Variants in PTH1R observed in about 807,000 individuals in gnomAD.
PTH1R encodes the protein parathyroid hormone/parathyroid hormone-related peptide receptor.
Under a neutral mutation model 70.7 loss-of-function variants are expected in PTH1R, and 32 were observed. The ratio of observed to expected loss-of-function variants is 0.45; its 90% confidence interval spans 0.34 to 0.61. PTH1R has a LOEUF of 0.61. PTH1R is among the 20% of genes least tolerant of loss of function. The probability of loss-of-function intolerance (pLI) is 0.01; values close to 1 mark genes in which losing one functional copy is unlikely to be tolerated. For missense variants in PTH1R, 626 were observed against 792.5 expected (o/e 0.79, Z 2.52); for synonymous variants, 329 against 324.8 (o/e 1.01, Z -0.14).
intron 8 of PTH1R, 59 bp downstream of exon 8, chr3:46,898,531 T>C (rs1296122671): frequency 8.7e-6 from 14 of 1,603,030 alleles, no homozygotes; most frequent in Non-Finnish European, 1.2e-5. Flanking sequence ...GTGGCCGAGG[T>C]CTGATGCGAC....
chr3:46,903,692 A>T lies in PTH1R; in HGVS notation c.*36A>T, dbSNP rs1428432797. 3 of 1,602,084 alleles carry T rather than the reference A, an allele frequency of 1.9e-6. No homozygotes were observed. The Admixed American group carries it at 5.0e-5, about 27-fold the overall frequency. On this transcript the variant is annotated 3_prime_UTR_variant, in exon 16 of 16. Transcript: ENST00000449590. This position sits in a 1 kb window ranked among gnomAD's most constrained non-coding sequence, Gnocchi z 4.4. The stretch of plus-strand genomic sequence containing the variant: ...GGGGCTGGACCTGCTGACATAGTGG[A>T]TGGACAGATGGACCAAAAGATGGGT...
chr3:46,899,868 G>A (rs1401515066), intron 10 of PTH1R, among the ~76,000 whole-genome samples: 8 of 152,192 alleles, frequency 5.3e-5, no homozygotes, highest in East Asian at 3.9e-4. Context: ...GGGATGGGGC[G>A]CGGGGCTGCC....
chr3:46,899,255 TC>T (rs750936657), intron 9 of PTH1R, 47 bp from the exon 10 acceptor site: 9 of 1,612,388 alleles, frequency 5.6e-6, no homozygotes, highest in Non-Finnish European at 7.6e-6. Context: ...AGCCCTGACT[TC>T]CCGGAGGCAG....
chr3:46,893,910 G>A lies in PTH1R; in HGVS notation c.79G>A (p.Asp27Asn). The change falls in exon 4 of 16, where the codon GAT becomes AAT. Residue 27 changes from aspartate (D) to asparagine (N), a missense_variant. Around this residue, in one of 3 missense-constraint regions of PTH1R, gnomAD observed 123 missense variants for 125.7 expected, o/e 0.98. Transcript: ENST00000449590. The surrounding 1 kb of genome is among the most constrained non-coding windows in gnomAD (Gnocchi z 5.2). ...GGTCTGACCTTCGGCTTGGCAGGTG[G>A]ATGCAGATGACGTCATGACTAAAGA... ...PVLSSAYALV[D>N]ADDVMTKEEQ... 1 of 1,613,968 alleles carries A rather than the reference G, an allele frequency of 6.2e-7. No homozygotes were observed. The highest frequency in any genetic ancestry group is 8.5e-7 in the Non-Finnish European group (1 of 1,180,000).
intron 4 of PTH1R, among the ~76,000 whole-genome samples, chr3:46,895,526 A>C (rs1332720479): frequency 1.3e-5 from 2 of 151,044 alleles, no homozygotes; most frequent in Admixed American, 1.3e-4. Context: ...GACAATCTCC[A>C]CCTCCTCTTA....
Position 46,903,231 on chromosome 3 carries a change from G to A in PTH1R, c.1396-39G>A, listed in dbSNP as rs1393940722. 4 of 1,609,970 alleles carry A rather than the reference G, an allele frequency of 2.5e-6. No individual in the cohort carries two copies. Among genetic ancestry groups the A allele is most frequent in the Non-Finnish European group, 2.5e-6 (3 of 1,179,430 alleles). Reference sequence around the variant, plus strand: ...GCCGGGATGGGGCATCGCTGGGGTTGGGAGACACACCTGACTGCCGCACCC... The same window carrying A: ...GCCGGGATGGGGCATCGCTGGGGTTAGGAGACACACCTGACTGCCGCACCC... On this transcript the variant is annotated intron_variant, in intron 15 of 15. Coordinates refer to ENST00000449590, the MANE Select transcript of PTH1R (RefSeq NM_000316.3). This position sits in a 1 kb window ranked among gnomAD's most constrained non-coding sequence, Gnocchi z 4.4.
At chr3:46,894,074 G>A in intron 4 of PTH1R, 65 bp downstream of exon 4, 5 of 1,530,964 alleles carry the variant, frequency 3.3e-6, no homozygotes, top group Non-Finnish European at 4.5e-6. Context: ...TCAAGGGCGG[G>A]ACCCAGGATA....
Position 46,892,632 on chromosome 3 carries a change from A to T in PTH1R, c.76-1275A>T. The T allele has an allele frequency of 1.7e-6, 1 of 605,774 alleles. No homozygotes were observed. The highest frequency in any genetic ancestry group is 2.0e-5 in the African/African-American group (1 of 49,966). 37.5% of individuals were successfully genotyped at this position (605,774 alleles called of 1,614,324 possible). A position where few individuals can be genotyped will look rare whatever the true frequency, so the allele number is the denominator to read the frequency against. On this transcript the variant is annotated intron_variant, in intron 3 of 15. Coordinates refer to ENST00000449590, the MANE Select transcript of PTH1R (RefSeq NM_000316.3). The surrounding 1 kb of genome is among the most constrained non-coding windows in gnomAD (Gnocchi z 5.2). ...CTTCTCCCTGCAGCCAGGCTCTCTG[A>T]CCCGGCCTGCCCGCCCCTCTCGCCG...
chr3:46,898,301 C>CCCTG, intron 7 of PTH1R, 77 bp from the exon 8 acceptor site: 1 of 1,576,060 alleles, frequency 6.3e-7, no homozygotes, highest in Non-Finnish European at 8.7e-7. Context: ...AGCAACCTTA[C>CCCTG]CCTGGCCTCT....
At chr3:46,887,218 C>T (rs541677860) in intron 3 of PTH1R, among the ~76,000 whole-genome samples, 8 of 151,276 alleles carry the variant, frequency 5.3e-5, no homozygotes, top group East Asian at 1.9e-4. Flanking sequence ...CCACCCTGGG[C>T]GACAGAGGCT....
chr3:46,900,956 G>A, intron 10 of PTH1R, 69 bp from the exon 11 acceptor site: 1 of 1,511,370 alleles, frequency 6.6e-7, no homozygotes, highest in Non-Finnish European at 9.0e-7. Context: ...GGGTCATCGA[G>A]GATGAGGGGG....
rs1411091136 is a variant in PTH1R at position 46,892,649 on chromosome 3, C to T, written c.76-1258C>T. The T allele has an allele frequency of 2.5e-6, 2 of 795,052 alleles. No individual in the cohort carries two copies. The highest frequency in any genetic ancestry group is 1.9e-5 in the African/African-American group (1 of 53,540). 49.2% of individuals were successfully genotyped at this position (795,052 alleles called of 1,614,324 possible). A position where few individuals can be genotyped will look rare whatever the true frequency, so the allele number is the denominator to read the frequency against. ...GCTCTCTGACCCGGCCTGCCCGCCC[C>T]TCTCGCCGGTGCCCGCCCCATGCCC... On this transcript the variant is annotated intron_variant, in intron 3 of 15. Coordinates refer to ENST00000449590, the MANE Select transcript of PTH1R (RefSeq NM_000316.3). This position sits in a 1 kb window ranked among gnomAD's most constrained non-coding sequence, Gnocchi z 5.2.
At chr3:46,899,249 C>G (rs1041429425) in intron 9 of PTH1R, 54 bp from the exon 10 acceptor site, 1 of 1,612,054 alleles carries the variant, frequency 6.2e-7, no homozygotes, top group Non-Finnish European at 8.5e-7. Context: ...CAGCCCAGCC[C>G]TGACTTCCCG....
At chr3:46,885,116 A>G (rs971076613) in intron 3 of PTH1R, among the ~76,000 whole-genome samples, 1 of 152,100 alleles carries the variant, frequency 6.6e-6, no homozygotes, top group African/African-American at 2.4e-5. Context: ...AGGGGTAGAC[A>G]GGGTGATGGG....
At chr3:46,900,919 G>A in intron 10 of PTH1R, 106 bp from the exon 11 acceptor site, 1 of 1,267,436 alleles carries the variant, frequency 7.9e-7, no homozygotes, top group Non-Finnish European at 1.1e-6. Flanking sequence ...AGTGTCAGGG[G>A]TTCAGGGCAA....
At chr3:46,886,734 G>C (rs770102938) in intron 3 of PTH1R, among the ~76,000 whole-genome samples, 1 of 152,206 alleles carries the variant, frequency 6.6e-6, no homozygotes, top group Non-Finnish European at 1.5e-5. Flanking sequence ...GCTAGAAACT[G>C]TCACAGATTG....
chr3:46,892,397 A>G lies in PTH1R; in HGVS notation c.76-1510A>G, dbSNP rs1308229265. ...CGCGTCCCATACTGACAGGCTGGAC[A>G]GTCTCCATGTGAGAACGCGCACGGA... On this transcript the variant is annotated intron_variant, in intron 3 of 15. Coordinates refer to ENST00000449590, the MANE Select transcript of PTH1R (RefSeq NM_000316.3). This position sits in a 1 kb window ranked among gnomAD's most constrained non-coding sequence, Gnocchi z 5.2. Among the ~76,000 whole-genome samples the G allele has an allele frequency of 6.6e-6, 1 of 152,226 alleles. No homozygotes were observed. The highest frequency in any genetic ancestry group is 1.5e-5 in the Non-Finnish European group (1 of 68,038).
rs763828859 is a variant in PTH1R, at chr3:46,898,156, G to A, written c.507G>A (p.Glu169=). ...ACAGGACGTGGGCCAACTACAGCGA[G>A]TGTGTCAAATTTCTCACCAATGAGA... ...GHNRTWANYS[E]CVKFLTNETR... is the part of the protein sequence containing the mutation. Residue 169 remains glutamate, a synonymous_variant, in exon 7 of 16, where the codon GAG becomes GAA. Coordinates refer to ENST00000449590, the MANE Select transcript of PTH1R (RefSeq NM_000316.3). 1 of 1,614,212 alleles carries A rather than the reference G, an allele frequency of 6.2e-7. No homozygotes were observed. Among genetic ancestry groups the A allele is most frequent in the Non-Finnish European group, 8.5e-7 (1 of 1,180,032 alleles).
At chr3:46,898,554 C>G (rs2031906559) in intron 8 of PTH1R, 82 bp downstream of exon 8, 10 of 1,598,250 alleles carry the variant, frequency 6.3e-6, no homozygotes, top group Admixed American at 5.1e-5. Flanking sequence ...CCTCCCTGCA[C>G]CCATCACCCC....
Sources: allele counts gnomAD v4.1 joint callset (sites outside exome capture counted in the v4.1 genomes callset), GRCh38; gene constraint gnomAD v4.1.1; regional missense constraint gnomAD v4.1.1; non-coding constraint Gnocchi (gnomAD v3.1); transcripts MANE v1.5; gene names NCBI Gene and HGNC (gene_info 2026-07-23, HGNC 2026-07-21).